Variants in TRIM9 observed in about 807,000 individuals in gnomAD.
The protein encoded by TRIM9 is E3 ubiquitin-protein ligase TRIM9.
TRIM9 carries 26 observed loss-of-function variants against 78.3 expected under a neutral mutation model. The observed-to-expected ratio is 0.33, with a 90% CI of 0.24 to 0.46. The LOEUF (loss-of-function observed/expected upper bound fraction) is 0.46. Among genes scored for constraint, TRIM9 ranks in the 20% least tolerant of loss-of-function variants. The pLI is 1.00. For synonymous variants in TRIM9, 398 were observed against 416.5 expected, an observed-to-expected ratio of 0.96 and a Z score of 0.54; for missense variants, 787 against 1,036.4, an observed-to-expected ratio of 0.76 and a Z score of 3.30.
intron 1 of TRIM9, among the ~76,000 whole-genome samples, chr14:51,056,697 AT>A (rs745973071): frequency 4.6e-5 from 7 of 152,210 alleles, no homozygotes; most frequent in Non-Finnish European, 5.9e-5. Context: ...TTAGGCCATT[AT>A]CCTTACTCCC....
At chr14:51,018,278 C>G (rs954668492) in intron 3 of TRIM9, among the ~76,000 whole-genome samples, 33 of 151,798 alleles carry the variant, frequency 2.2e-4, no homozygotes, top group African/African-American at 8.0e-4. Context: ...GGCCTGCCTG[C>G]CTGCCTGCCT....
chr14:51,040,010 C>A (rs1472338234), intron 1 of TRIM9, among the ~76,000 whole-genome samples: 1 of 152,098 alleles, frequency 6.6e-6, no homozygotes, highest in East Asian at 1.9e-4. Flanking sequence ...GTCTCGATCT[C>A]CTGACCTCCT....
In TRIM9 at chr14:50,998,179, C is replaced by T; in HGVS notation, c.1474G>A (p.Val492Met). The T allele has an allele frequency of 6.2e-7, 1 of 1,614,192 alleles. No individual in the cohort carries two copies. The highest frequency in any genetic ancestry group is 1.3e-5 in the African/African-American group (1 of 75,058). Reference protein sequence around the residue: ...GNGGQFREVYVGKETMCTVDG... With the variant: ...GNGGQFREVYMGKETMCTVDG... ...ACAGTGCACATTGTCTCCTTCCCCA[C>T]ATACACCTCCTGAGAGTCAGCAAAG... The change falls in exon 7 of 13, where the codon GTG becomes ATG. Residue 492 changes from valine to methionine, a missense_variant. This residue lies in a region of TRIM9 where 421 missense variants were observed against 514.3 expected (regional missense o/e 0.82). Coordinates refer to ENST00000684578, the MANE Select transcript of TRIM9 (RefSeq NM_001387360.1).
intron 1 of TRIM9, among the ~76,000 whole-genome samples, chr14:51,059,145 T>C (rs2061133330): frequency 6.6e-6 from 1 of 152,222 alleles, no homozygotes; most frequent in African/African-American, 2.4e-5. Flanking sequence ...GGAAATCAGT[T>C]CTTTCCTCCA....
chr14:51,094,499 C>T lies in TRIM9; in HGVS notation c.441G>A (p.Lys147=). 6.2e-7 allele frequency: 1 copy of T among 1,613,724 alleles called. No individual in the cohort carries two copies. ...CAATTACCCCTTCCAGTACGCGATT[C>T]TTGGGGAAGCCGCGGAGCCCCCGGT... ...LDDRGLRGFP[K]NRVLEGVIDR... is the part of the protein sequence containing the mutation. Residue 147 remains lysine (K), a synonymous_variant, in exon 1 of 13, where the codon AAG becomes AAA. Transcript: ENST00000684578.
Position 51,022,855 on chromosome 14 carries a change from C to T in TRIM9, c.1021G>A (p.Glu341Lys). Reference sequence around the variant, plus strand: ...CTCACCTTCAGCTTGTGCTCATGCTCCTTGTTGACGCGGGCCAGCAGCTGG... The same window carrying T: ...CTCACCTTCAGCTTGTGCTCATGCTTCTTGTTGACGCGGGCCAGCAGCTGG... Reference protein sequence around the residue: ...KAQLLARVNKEHEHKLKVVRD... With the variant: ...KAQLLARVNKKHEHKLKVVRD... The change falls in exon 3 of 13, where the codon GAG (glutamate) becomes AAG (lysine). Residue 341 changes from glutamate to lysine, a missense_variant. This residue lies in a region of TRIM9 where 352 missense variants were observed against 472.3 expected (regional missense o/e 0.75). Coordinates refer to ENST00000684578, the MANE Select transcript of TRIM9 (RefSeq NM_001387360.1). 1 of 1,614,186 alleles carries T rather than the reference C, an allele frequency of 6.2e-7. No individual in the cohort carries two copies. The highest frequency in any genetic ancestry group is 8.5e-7 in the Non-Finnish European group (1 of 1,180,036).
intron 6 of TRIM9, among the ~76,000 whole-genome samples, chr14:50,999,884 G>A (rs1397175410): frequency 1.3e-5 from 2 of 152,292 alleles, no homozygotes; most frequent in East Asian, 3.9e-4. Context: ...ATGCCGGCAG[G>A]TGGTGGCACA....
intron 1 of TRIM9, among the ~76,000 whole-genome samples, chr14:51,050,927 G>C (rs1256529512): frequency 6.6e-6 from 1 of 152,194 alleles, no homozygotes; most frequent in Non-Finnish European, 1.5e-5. Context: ...GTAGCAACTG[G>C]TATCTGAATG....
chr14:51,019,726 A>T (rs968591089), intron 3 of TRIM9, among the ~76,000 whole-genome samples: 4 of 152,224 alleles, frequency 2.6e-5, no homozygotes, highest in Admixed American at 1.3e-4. Flanking sequence ...GTGCTTTGCA[A>T]TGCCCTATGA....
intron 1 of TRIM9, among the ~76,000 whole-genome samples, chr14:51,036,700 T>A (rs1159608632): frequency 6.6e-6 from 1 of 152,172 alleles, no homozygotes; most frequent in Non-Finnish European, 1.5e-5. Context: ...TTCGATCCAG[T>A]GTTGGTTGAA....
chr14:51,029,563 T>C (rs565628326), intron 1 of TRIM9, among the ~76,000 whole-genome samples: 2 of 152,228 alleles, frequency 1.3e-5, no homozygotes, highest in Non-Finnish European at 2.9e-5. Context: ...CTGGGTCACA[T>C]TGCTCAGCAA....
At chr14:50,993,217 C>T (rs1365791197) in intron 7 of TRIM9, among the ~76,000 whole-genome samples, 1 of 152,096 alleles carries the variant, frequency 6.6e-6, no homozygotes, top group Non-Finnish European at 1.5e-5. Context: ...CTCTAGGTGA[C>T]CTGCTCACCT....
chr14:51,031,147 CAAA>C (rs1210514761), intron 1 of TRIM9, among the ~76,000 whole-genome samples: 1 of 100,766 alleles, frequency 9.9e-6, no homozygotes, highest in Non-Finnish European at 1.9e-5. Flanking sequence ...AAACTCTTTC[CAAA>C]AAAAAAAAAA....
Position 51,009,066 on chromosome 14 carries a change from A to T in TRIM9, c.1306+14T>A, listed in dbSNP as rs201922353. ...AGGATGTTGCTCTCTGACTTGGGGGATGCAAGGACATACCTTTCACTTGCA... is the reference window on the plus strand; with the variant it reads ...AGGATGTTGCTCTCTGACTTGGGGGTTGCAAGGACATACCTTTCACTTGCA... On this transcript the variant is annotated intron_variant, in intron 5 of 12. Coordinates refer to ENST00000684578, the MANE Select transcript of TRIM9 (RefSeq NM_001387360.1). 38 of 1,612,836 alleles carry T rather than the reference A, an allele frequency of 2.4e-5. No individual in the cohort carries two copies. Among genetic ancestry groups the T allele is most frequent in the Middle Eastern group, 1.7e-4 (1 of 5,990 alleles).
chr14:50,977,413 G>C (rs1206374888), intron 12 of TRIM9, 60 bp from the exon 13 acceptor site: 1 of 1,313,082 alleles, frequency 7.6e-7, no homozygotes, highest in African/African-American at 1.5e-5. Flanking sequence ...CCTTTACACA[G>C]TGTACCGTGG....
At chr14:51,062,865 C>T (rs1304532449) in intron 1 of TRIM9, among the ~76,000 whole-genome samples, 1 of 152,128 alleles carries the variant, frequency 6.6e-6, no homozygotes, top group Non-Finnish European at 1.5e-5. Flanking sequence ...GGAGTTAGAG[C>T]TTGAGTCCTA....
At chr14:51,031,909 T>TATTAAGTA (rs149358576) in intron 1 of TRIM9, among the ~76,000 whole-genome samples, 3 of 151,984 alleles carry the variant, frequency 2.0e-5, no homozygotes, top group African/African-American at 7.3e-5. Flanking sequence ...TAAACAAATC[T>TATTAAGTA]CACCATTTGT....
chr14:51,070,714 T>A (rs1300632193), intron 1 of TRIM9, among the ~76,000 whole-genome samples: 1 of 152,232 alleles, frequency 6.6e-6, no homozygotes. Flanking sequence ...TGACTGCATG[T>A]CTTTTACAGA....
intron 7 of TRIM9, chr14:50,996,236 C>A: frequency 1.0e-6 from 1 of 985,370 alleles, no homozygotes; most frequent in Non-Finnish European, 1.2e-6. Context: ...TTCTACAGTA[C>A]AGTTTCTTTG....
Sources: gnomAD v4.1 joint callset for allele counts (sites outside exome capture counted in the v4.1 genomes callset) on GRCh38, gnomAD v4.1.1 for gene constraint, gnomAD v4.1.1 regional missense constraint, MANE v1.5 for transcripts, NCBI Gene and HGNC (gene_info 2026-07-23, HGNC 2026-07-21) for gene names.